The following IFT81 variants were observed in gnomAD, a reference collection of about 807,000 sequenced individuals.
IFT81 encodes intraflagellar transport protein 81 homolog.
A neutral mutation model predicts 102.6 loss-of-function variants in IFT81; 72 were observed. The ratio of observed to expected loss-of-function variants is 0.70; its 90% CI spans 0.58 to 0.85. The LOEUF (loss-of-function observed/expected upper bound fraction) is 0.85. IFT81 is among the 40% of genes least tolerant of loss of function. The pLI is 0.00. For missense variants in IFT81, 723 were observed against 787.3 expected, an observed-to-expected ratio of 0.92 and a Z score of 0.98; for synonymous variants, 237 against 242.7, an observed-to-expected ratio of 0.98 and a Z score of 0.22.
At chr12:110,192,771 A>G (rs540876723) in intron 14 of IFT81, 65 bp downstream of exon 14, 6 of 891,954 alleles carry the variant, frequency 6.7e-6, no homozygotes, top group Admixed American at 4.5e-5. Flanking sequence ...TCTTATTCAC[A>G]TGTGCTAGTT....
intron 11 of IFT81, among the ~76,000 whole-genome samples, chr12:110,177,694 A>T (rs2137503081): frequency 6.6e-6 from 1 of 152,296 alleles, no homozygotes; most frequent in Admixed American, 6.5e-5. Context: ...ATTTTTGTAT[A>T]CTCAGGAATC....
intron 11 of IFT81, among the ~76,000 whole-genome samples, chr12:110,176,570 T>A (rs1189009696): frequency 1.3e-5 from 2 of 152,214 alleles, no homozygotes; most frequent in African/African-American, 4.8e-5. Flanking sequence ...TGTATGACAT[T>A]GAAGATCCAA....
chr12:110,202,414 C>T (rs915138948), intron 14 of IFT81, among the ~76,000 whole-genome samples: 32 of 150,798 alleles, frequency 2.1e-4, no homozygotes, highest in Admixed American at 1.9e-3. Context: ...TGCCCCCTTG[C>T]AATAAAGAAA....
intron 11 of IFT81, among the ~76,000 whole-genome samples, chr12:110,171,639 T>C (rs891305651): frequency 1.3e-5 from 2 of 152,264 alleles, no homozygotes; most frequent in Non-Finnish European, 2.9e-5. Context: ...TATGTGGGAC[T>C]AGTTATGATG....
intron 15 of IFT81, 43 bp downstream of exon 15, chr12:110,203,993 C>A: frequency 2.4e-6 from 3 of 1,234,186 alleles, no homozygotes; most frequent in Non-Finnish European, 3.5e-6. Context: ...CAAAAACTAC[C>A]TGTGTGTACA....
intron 11 of IFT81, among the ~76,000 whole-genome samples, chr12:110,174,940 C>T (rs1487172123): frequency 1.3e-5 from 2 of 152,176 alleles, no homozygotes; most frequent in African/African-American, 2.4e-5. Context: ...GAGTTTCACA[C>T]AACTGAGTAC....
chr12:110,148,442 C>T (rs1895343650), intron 10 of IFT81, among the ~76,000 whole-genome samples: 1 of 151,692 alleles, frequency 6.6e-6, no homozygotes, highest in Admixed American at 6.6e-5. Context: ...ATAAAATATT[C>T]ATATTTTGAT....
intron 12 of IFT81, among the ~76,000 whole-genome samples, chr12:110,190,153 T>C (rs1897723447): frequency 1.3e-5 from 2 of 152,314 alleles, no homozygotes; most frequent in Non-Finnish European, 2.9e-5. Context: ...AAAAATAAGA[T>C]AACAATACAA....
chr12:110,175,177 A>C (rs1274051457), intron 11 of IFT81, among the ~76,000 whole-genome samples: 2 of 152,236 alleles, frequency 1.3e-5, no homozygotes, highest in African/African-American at 4.8e-5. Context: ...CACTATGGGA[A>C]GCTTTTTCCT....
At chr12:110,157,693 T>A (rs1321847742) in intron 10 of IFT81, among the ~76,000 whole-genome samples, 1 of 152,220 alleles carries the variant, frequency 6.6e-6, no homozygotes. Flanking sequence ...ACATATCCCT[T>A]AGGCTCTGTT....
chr12:110,165,747 A>C (rs1222956400), intron 11 of IFT81, among the ~76,000 whole-genome samples: 1 of 152,202 alleles, frequency 6.6e-6, no homozygotes, highest in Non-Finnish European at 1.5e-5. Flanking sequence ...GGACCTCTCT[A>C]AGATCTGTTG....
chr12:110,176,262 C>T (rs1269903991), intron 11 of IFT81, among the ~76,000 whole-genome samples: 1 of 152,184 alleles, frequency 6.6e-6, no homozygotes, highest in African/African-American at 2.4e-5. Context: ...CCCTCATTTC[C>T]CAGTATCTTT....
At chr12:110,195,960 G>A (rs1245270312) in intron 14 of IFT81, among the ~76,000 whole-genome samples, 2 of 152,028 alleles carry the variant, frequency 1.3e-5, no homozygotes, top group Non-Finnish European at 2.9e-5. Flanking sequence ...TTGGTAACTC[G>A]ATCTTGAAAA....
intron 5 of IFT81, among the ~76,000 whole-genome samples, chr12:110,134,215 T>C: frequency 6.6e-6 from 1 of 152,138 alleles, no homozygotes; most frequent in East Asian, 1.9e-4. Context: ...GGCCAGGCTA[T>C]ATTTTAAGAC....
intron 14 of IFT81, among the ~76,000 whole-genome samples, chr12:110,195,589 A>G (rs1001848326): frequency 1.3e-5 from 2 of 152,008 alleles, no homozygotes; most frequent in African/African-American, 4.8e-5. Flanking sequence ...TATCATTTCT[A>G]TCTTGTCACT....
intron 11 of IFT81, among the ~76,000 whole-genome samples, chr12:110,173,246 C>T (rs1485583814): frequency 2.0e-5 from 3 of 148,708 alleles, no homozygotes; most frequent in East Asian, 2.0e-4. Flanking sequence ...CCAGCCGCCC[C>T]GTCCGGGAGG....
chr12:110,163,734 GC>G (rs1896284866), intron 11 of IFT81, among the ~76,000 whole-genome samples: 1 of 150,806 alleles, frequency 6.6e-6, no homozygotes, highest in South Asian at 2.1e-4. Flanking sequence ...TCCTACCTCA[GC>G]CTCCTGAGTA....
chr12:110,209,206 A>C lies in IFT81; in HGVS notation c.1838A>C (p.Asn613Thr), dbSNP rs750963331. 6.5e-7 allele frequency: 1 copy of C among 1,543,260 alleles called. No homozygotes were observed. Among genetic ancestry groups the C allele is most frequent in the African/African-American group, 1.4e-5 (1 of 73,230 alleles). The part of the protein sequence containing the change: ...QYTKNTAEQE[N>T]LGKKLREKQK... ...ACCAAAAATACTGCTGAACAAGAAAACCTTGGAAAGGTAAGAATTATTATT... is the reference window on the plus strand; with the variant it reads ...ACCAAAAATACTGCTGAACAAGAAACCCTTGGAAAGGTAAGAATTATTATT... The change falls in exon 18 of 19, where the codon AAC becomes ACC. Residue 613 changes from asparagine to threonine, a missense_variant. Physicochemically the swap from Asn to Thr is moderately conservative, Grantham distance 65. Coordinates refer to ENST00000242591, the MANE Select transcript of IFT81 (RefSeq NM_014055.4).
chr12:110,194,157 C>T (rs1029215870), intron 14 of IFT81, among the ~76,000 whole-genome samples: 6 of 152,130 alleles, frequency 3.9e-5, no homozygotes, highest in Admixed American at 3.3e-4. Flanking sequence ...AATTTCACCC[C>T]CACGATCCAA....
Sources: allele counts gnomAD v4.1 joint callset (sites outside exome capture counted in the v4.1 genomes callset), GRCh38; gene constraint gnomAD v4.1.1; transcripts MANE v1.5; gene names NCBI Gene and HGNC (gene_info 2026-07-23, HGNC 2026-07-21).